Variants in HSF4 observed in about 807,000 individuals in gnomAD.
HSF4 encodes heat shock transcription factor 4.
A neutral mutation model predicts 52.0 loss-of-function variants in HSF4; 41 were observed. That is an observed-to-expected ratio of 0.79 (90% CI 0.61 to 1.02). HSF4 has a LOEUF of 1.02. HSF4 is among the 50% of genes least tolerant of loss of function. The probability of loss-of-function intolerance (pLI) is 0.00; values close to 1 mark genes in which losing one functional copy is unlikely to be tolerated. For synonymous variants in HSF4, 285 were observed against 273.0 expected (o/e 1.04, Z -0.43); for missense variants, 610 against 651.1 (o/e 0.94, Z 0.69).
chr16:67,166,743 T>G, intron 6 of HSF4, 121 bp downstream of exon 6: 44 of 894,812 alleles, frequency 4.9e-5, no homozygotes, highest in Non-Finnish European at 7.2e-5. Context: ...CCCCCTGCGC[T>G]ACAGGCTTCC....
At position 67,169,626 on chromosome 16, in the gene HSF4, C is replaced by T. The variant is rs774017667; in HGVS notation, c.1325-5C>T. ...CCCTGGTGAGCGCAGTCCCACTTCT[C>T]CTAGGGAAGGACCCCACGCTCGGGG... On this transcript the variant is annotated splice_region_variant and splice_polypyrimidine_tract_variant and intron_variant, in intron 12 of 12. Coordinates refer to ENST00000521374, the MANE Select transcript of HSF4 (RefSeq NM_001374675.1). This position sits in a 1 kb window ranked among gnomAD's most constrained non-coding sequence, Gnocchi z 4.3. 3.1e-6 allele frequency: 5 copies of T among 1,606,166 alleles called. No individual in the cohort carries two copies. In the South Asian group the frequency reaches 5.5e-5, roughly 18 times the overall value.
chr16:67,165,451 C>T lies in HSF4; in HGVS notation c.124-71C>T. On this transcript the variant is annotated intron_variant, in intron 1 of 12. Coordinates refer to ENST00000521374, the MANE Select transcript of HSF4 (RefSeq NM_001374675.1). The surrounding 1 kb of genome is among the most constrained non-coding windows in gnomAD (Gnocchi z 6.9). Reference sequence around the variant, plus strand: ...TGTGTGCGCGCGCTGGAGCGCAGGACTGGCCGTGAGCGGGCACCGCTCACC... The same window carrying T: ...TGTGTGCGCGCGCTGGAGCGCAGGATTGGCCGTGAGCGGGCACCGCTCACC... 1.5e-6 allele frequency: 2 copies of T among 1,370,536 alleles called. No homozygotes were observed. The highest frequency in any genetic ancestry group is 2.3e-5 in the South Asian group (2 of 86,208). 84.9% of individuals were successfully genotyped at this position (1,370,536 alleles called of 1,614,324 possible). A position where few individuals can be genotyped will look rare whatever the true frequency, so the allele number is the denominator to read the frequency against.
chr16:67,169,676 C>T lies in HSF4; in HGVS notation c.1370C>T (p.Ala457Val). 6.2e-7 allele frequency: 1 copy of T among 1,612,164 alleles called. No individual in the cohort carries two copies. The highest frequency in any genetic ancestry group is 8.5e-7 in the Non-Finnish European group (1 of 1,179,998). ...LGAPLLLDVQ[A>V]ALGGPALGLP... ...GCCCCACTCCTGCTGGATGTCCAGGCGGCCTTGGGAGGCCCAGCCCTGGGC... is the reference window on the plus strand; with the variant it reads ...GCCCCACTCCTGCTGGATGTCCAGGTGGCCTTGGGAGGCCCAGCCCTGGGC... The change falls in exon 13 of 13, where the codon GCG (alanine) becomes GTG (valine). Residue 457 changes from alanine to valine, a missense_variant. Transcript: ENST00000521374. This position sits in a 1 kb window ranked among gnomAD's most constrained non-coding sequence, Gnocchi z 4.3.
Position 67,165,745 on chromosome 16 carries a change from G to C in HSF4, c.259G>C (p.Glu87Gln). 1.2e-6 allele frequency: 2 copies of C among 1,611,644 alleles called. No individual in the cohort carries two copies. The highest frequency in any genetic ancestry group is 1.7e-6 in the Non-Finnish European group (2 of 1,179,786). ...CGGTTTTCGGAAGGTGGTGAGCATC[G>C]AGCAGGGCGGCCTGCTTAGGCCGGA... is the stretch of plus-strand genomic sequence containing the variant. ...MYGFRKVVSI[E>Q]QGGLLRPERD... The change falls in exon 3 of 13, where the codon GAG becomes CAG. Residue 87 changes from glutamate (E) to glutamine (Q), a missense_variant. By Grantham distance (29) the Glu-to-Gln change is conservative (BLOSUM62 2). Transcript: ENST00000521374. The surrounding 1 kb of genome is among the most constrained non-coding windows in gnomAD (Gnocchi z 6.9).
chr16:67,168,964 G>T, intron 10 of HSF4, 28 bp downstream of exon 10: 2 of 1,612,526 alleles, frequency 1.2e-6, no homozygotes, highest in Non-Finnish European at 1.7e-6. Flanking sequence ...TGAAACAGGG[G>T]CATGAGACCT....
Position 67,166,258 on chromosome 16 carries a change from T to TG in HSF4, c.486-61dup. On this transcript the variant is annotated intron_variant, in intron 4 of 12. Coordinates refer to ENST00000521374, the MANE Select transcript of HSF4 (RefSeq NM_001374675.1). ...TCCTGGGTCCCCAGCCTCGCCATTC[T>TG]GTGGGGGGTGGTGACTGGGCGAACT... The TG allele has an allele frequency of 2.0e-6, 3 of 1,514,562 alleles. No homozygotes were observed. In the Admixed American group the frequency reaches 5.4e-5, roughly 27 times the overall value. 93.8% of individuals were successfully genotyped at this position (1,514,562 alleles called of 1,614,324 possible). A position where few individuals can be genotyped will look rare whatever the true frequency, so the allele number is the denominator to read the frequency against.
rs776484170 is a variant in HSF4 at position 67,166,574 on chromosome 16, T to C, written c.578T>C (p.Phe193Ser). Residue 193 changes from phenylalanine (F) to serine (S), a missense_variant, in exon 6 of 13, where the codon TTT (phenylalanine) becomes TCT (serine). Coordinates refer to ENST00000521374, the MANE Select transcript of HSF4 (RefSeq NM_001374675.1). ...RVIGKLIQCL[F>S]GPLQAGPSNA... ...TCTCTTCAGCTGATCCAGTGTCTCT[T>C]TGGGCCACTTCAGGCGGGGCCGAGC... The C allele has an allele frequency of 2.5e-6, 4 of 1,613,920 alleles. No individual in the cohort carries two copies. The highest frequency in any genetic ancestry group is 8.5e-7 in the Non-Finnish European group (1 of 1,179,988).
chr16:67,169,823 C>G lies in HSF4; in HGVS notation c.*38C>G, dbSNP rs1240463081. 2 of 1,612,142 alleles carry G rather than the reference C, an allele frequency of 1.2e-6. No homozygotes were observed. Among genetic ancestry groups the G allele is most frequent in the African/African-American group, 1.3e-5 (1 of 75,038 alleles). On this transcript the variant is annotated 3_prime_UTR_variant, in exon 13 of 13. Transcript: ENST00000521374. The surrounding 1 kb of genome is among the most constrained non-coding windows in gnomAD (Gnocchi z 4.3). Reference sequence around the variant, plus strand: ...CTGAAGGGGCTTGGAACCAGTCCGCCGCTGCACATCCTTCTTGGCTTCCTG... The same window carrying G: ...CTGAAGGGGCTTGGAACCAGTCCGCGGCTGCACATCCTTCTTGGCTTCCTG...
rs1453370008 is a variant in HSF4 at position 67,164,809 on chromosome 16, A to G, written c.-3A>G. ...GAGCGCAGAGCCGGGCCGAGACTGC[A>G]CCATGCAGGAAGCGCCAGCTGCGCT... On this transcript the variant is annotated 5_prime_UTR_variant, in exon 1 of 13. Transcript: ENST00000521374. 9.4e-6 allele frequency: 15 copies of G among 1,598,004 alleles called. No homozygotes were observed. The highest frequency in any genetic ancestry group is 1.3e-5 in the Non-Finnish European group (15 of 1,178,038).
chr16:67,165,024 C>T lies in HSF4; in HGVS notation c.123+90C>T. 1 of 1,355,082 alleles carries T rather than the reference C, an allele frequency of 7.4e-7. No individual in the cohort carries two copies. Among genetic ancestry groups the T allele is most frequent in the South Asian group, 1.4e-5 (1 of 71,020 alleles). The allele number at this position is 1,355,082 out of a possible 1,614,324, so 83.9% of individuals were successfully genotyped here. A position where few individuals can be genotyped will look rare whatever the true frequency, so the allele number is the denominator to read the frequency against. Reference sequence around the variant, plus strand: ...ATGCCCGCCCAACCCCCTCCTGAGACTGGGCCGTGGATCCCCGGATTTGGC... The same window carrying T: ...ATGCCCGCCCAACCCCCTCCTGAGATTGGGCCGTGGATCCCCGGATTTGGC... On this transcript the variant is annotated intron_variant, in intron 1 of 12. Transcript: ENST00000521374. This position sits in a 1 kb window ranked among gnomAD's most constrained non-coding sequence, Gnocchi z 6.9.
In HSF4 at chr16:67,169,504, G is replaced by C. The variant is rs982009332; in HGVS notation, c.1325-127G>C. On this transcript the variant is annotated intron_variant, in intron 12 of 12. Coordinates refer to ENST00000521374, the MANE Select transcript of HSF4 (RefSeq NM_001374675.1). This position sits in a 1 kb window ranked among gnomAD's most constrained non-coding sequence, Gnocchi z 4.3. The stretch of plus-strand genomic sequence containing the variant: ...GCCACCCATGCCCTCACCATTGGGC[G>C]AGAGTGGGGAGGTTAAGAATGGATG... 3.2e-6 allele frequency: 5 copies of C among 1,585,192 alleles called. No individual in the cohort carries two copies. Among genetic ancestry groups the C allele is most frequent in the Middle Eastern group, 1.9e-4 (1 of 5,330 alleles).
At chr16:67,164,709 G>T, upstream of HSF4, 2 of 1,373,576 alleles carry the variant, frequency 1.5e-6, no homozygotes, top group Non-Finnish European at 1.9e-6. Flanking sequence ...CCGGCGCCCC[G>T]GGGCGGAGTA....
chr16:67,166,589 CG>C lies in HSF4; in HGVS notation c.597del (p.Pro200ArgfsTer12), dbSNP rs1567669185. 1.2e-6 allele frequency: 2 copies of C among 1,613,884 alleles called. No homozygotes were observed. The highest frequency in any genetic ancestry group is 1.7e-6 in the Non-Finnish European group (2 of 1,179,964). Reference sequence around the variant, plus strand: ...CAGTGTCTCTTTGGGCCACTTCAGGCGGGGCCGAGCAATGCAGGAGGCAAGA... The same window carrying C: ...CAGTGTCTCTTTGGGCCACTTCAGGCGGGCCGAGCAATGCAGGAGGCAAGA... ...LIQCLFGPLQ[A>X]GPSNAGGKRK... On this transcript the variant is annotated frameshift_variant, in exon 6 of 13. Transcript: ENST00000521374. LOFTEE classifies it high-confidence loss of function.
At position 67,167,222 on chromosome 16, in the gene HSF4, G is replaced by A. The variant is rs377304567; in HGVS notation, c.729G>A (p.Ser243=). ...ALLQDPYFIQ[S]PLPETNLGLS... ...TGCAGGACCCCTACTTCATCCAGTC[G>A]GTAGGTTTGTCTTCTTCCCCCTTCC... is the stretch of plus-strand genomic sequence containing the variant. Residue 243 remains serine, a splice_region_variant and synonymous_variant, in exon 7 of 13, where the codon TCG becomes TCA. Transcript: ENST00000521374. The A allele has an allele frequency of 6.2e-6, 10 of 1,614,004 alleles. No homozygotes were observed. The highest frequency in any genetic ancestry group is 4.0e-5 in the African/African-American group (3 of 74,914).
rs2031367210 is a variant in HSF4, at chr16:67,167,155, C to T, written c.662C>T (p.Thr221Ile). 2 of 1,614,104 alleles carry T rather than the reference C, an allele frequency of 1.2e-6. No individual in the cohort carries two copies. The highest frequency in any genetic ancestry group is 1.3e-5 in the African/African-American group (1 of 74,938). Residue 221 changes from threonine (T) to isoleucine (I), a missense_variant, in exon 7 of 13, where the codon ACA (threonine) becomes ATA (isoleucine). Transcript: ENST00000521374. ...LMLDEGSSCP[T>I]PAKFNTCPLP... Reference sequence around the variant, plus strand: ...CTGGATGAGGGGAGCTCATGCCCAACACCTGCCAAGTTCAACACCTGCCCT... The same window carrying T: ...CTGGATGAGGGGAGCTCATGCCCAATACCTGCCAAGTTCAACACCTGCCCT...
At chr16:67,167,065 G>A (rs2031358141) in intron 6 of HSF4, 55 bp from the exon 7 acceptor site, 6 of 1,613,222 alleles carry the variant, frequency 3.7e-6, no homozygotes, top group Admixed American at 1.7e-5. Flanking sequence ...GCAGGCCGAG[G>A]TGCATGGGGG....
chr16:67,167,330 C>T (rs1474556992), intron 7 of HSF4, 108 bp downstream of exon 7: 2 of 1,609,096 alleles, frequency 1.2e-6, no homozygotes, highest in Non-Finnish European at 8.5e-7. Flanking sequence ...CAGCCTTCCC[C>T]CCAACCAGAC....
At position 67,166,589 on chromosome 16, in the gene HSF4, C is replaced by G. The variant is rs374589300; in HGVS notation, c.593C>G (p.Ala198Gly). 6.8e-6 allele frequency: 11 copies of G among 1,613,884 alleles called. No individual in the cohort carries two copies. The highest frequency in any genetic ancestry group is 9.3e-6 in the Non-Finnish European group (11 of 1,179,964). ...LIQCLFGPLQ[A>G]GPSNAGGKRK... ...CAGTGTCTCTTTGGGCCACTTCAGG[C>G]GGGGCCGAGCAATGCAGGAGGCAAG... is the stretch of plus-strand genomic sequence containing the variant. The change falls in exon 6 of 13, where the codon GCG becomes GGG. Residue 198 changes from alanine (A) to glycine (G), a missense_variant. Coordinates refer to ENST00000521374, the MANE Select transcript of HSF4 (RefSeq NM_001374675.1).
Position 67,169,666 on chromosome 16 carries a change from G to C in HSF4, c.1360G>C (p.Asp454His), listed in dbSNP as rs1293121540. The C allele has an allele frequency of 3.1e-6, 5 of 1,611,668 alleles. No individual in the cohort carries two copies. The highest frequency in any genetic ancestry group is 4.2e-6 in the Non-Finnish European group (5 of 1,179,998). Residue 454 changes from aspartate to histidine, a missense_variant, in exon 13 of 13, where the codon GAT (aspartate) becomes CAT (histidine). Coordinates refer to ENST00000521374, the MANE Select transcript of HSF4 (RefSeq NM_001374675.1). This position sits in a 1 kb window ranked among gnomAD's most constrained non-coding sequence, Gnocchi z 4.3. ...DPTLGAPLLL[D>H]VQAALGGPAL... ...CACGCTCGGGGCCCCACTCCTGCTG[G>C]ATGTCCAGGCGGCCTTGGGAGGCCC...
Sources: gnomAD v4.1 joint callset for allele counts on GRCh38, gnomAD v4.1.1 for gene constraint, Gnocchi (gnomAD v3.1) non-coding constraint, MANE v1.5 for transcripts, NCBI Gene and HGNC (gene_info 2026-07-23, HGNC 2026-07-21) for gene names.